Variants in BCLAF3 observed in about 807,000 individuals in gnomAD.
BCLAF3 encodes transient octamer binding factor 1.
Under a neutral mutation model 51.2 loss-of-function variants are expected in BCLAF3, and 24 were observed. The observed-to-expected ratio is 0.47, with a 90% CI of 0.34 to 0.66. BCLAF3 has a LOEUF of 0.66. BCLAF3 is among the 30% of genes least tolerant of loss of function. The probability of loss-of-function intolerance (pLI) is 0.01; values close to 1 mark genes in which losing one functional copy is unlikely to be tolerated. For synonymous variants in BCLAF3, 152 were observed against 176.6 expected (o/e 0.86, Z 1.10); for missense variants, 465 against 525.1 (o/e 0.89, Z 1.12).
intron 3 of BCLAF3, 120 bp from the exon 4 acceptor site, chrX:19,965,826 C>T: frequency 2.7e-6 from 2 of 749,342 alleles, no homozygotes; most frequent in South Asian, 7.1e-5. Flanking sequence ...TAATCTATAA[C>T]CCTTTAAGCC....
intron 2 of BCLAF3, among the ~76,000 whole-genome samples, chrX:19,967,022 T>C (rs1450263975): frequency 9.0e-6 from 1 of 111,372 alleles, no homozygotes; most frequent in African/African-American, 3.3e-5. Context: ...AACAAAAGCT[T>C]ACATCCAGTT....
intron 1 of BCLAF3, among the ~76,000 whole-genome samples, chrX:19,970,710 A>G (rs927622878): frequency 1.8e-5 from 2 of 112,158 alleles, no homozygotes; most frequent in African/African-American, 6.5e-5. Flanking sequence ...TATTAACTAC[A>G]TGTTGAAATA....
At chrX:19,983,134 T>A (rs1023960607) in intron 1 of BCLAF3, among the ~76,000 whole-genome samples, 1 of 105,172 alleles carries the variant, frequency 9.5e-6, no homozygotes, top group African/African-American at 3.4e-5. Context: ...TTTTTTGTAT[T>A]TTTAGTGGAG....
chrX:19,925,216 C>T (rs186522332), intron 11 of BCLAF3, among the ~76,000 whole-genome samples: 2 of 110,696 alleles, frequency 1.8e-5, no homozygotes, highest in African/African-American at 3.3e-5. Flanking sequence ...TCCCCACCAC[C>T]GCCACCACTC....
chrX:19,917,680 C>G (rs139760279), intron 11 of BCLAF3, among the ~76,000 whole-genome samples: 1,356 of 111,891 alleles, frequency 0.012, 23 homozygotes, highest in African/African-American at 0.042. Flanking sequence ...AAGTACGGAG[C>G]CTGACACTAC....
At chrX:19,989,458 T>C (rs2072888108) in intron 1 of BCLAF3, among the ~76,000 whole-genome samples, 1 of 112,052 alleles carries the variant, frequency 8.9e-6, no homozygotes, top group Non-Finnish European at 1.9e-5. Flanking sequence ...ATCGTGCCAC[T>C]ACACTCCAGC....
chrX:19,939,307 G>C (rs2070904297), intron 8 of BCLAF3, among the ~76,000 whole-genome samples: 1 of 111,890 alleles, frequency 8.9e-6, no homozygotes, highest in Non-Finnish European at 1.9e-5. Context: ...ATTACCATTA[G>C]TGTGTATGAC....
intron 7 of BCLAF3, among the ~76,000 whole-genome samples, chrX:19,952,735 C>T (rs1359225982): frequency 9.0e-6 from 1 of 111,671 alleles, no homozygotes; most frequent in Non-Finnish European, 1.9e-5. Context: ...GCTGTAATTG[C>T]GTGTCAATTT....
chrX:19,941,025 T>C, intron 8 of BCLAF3, among the ~76,000 whole-genome samples: 1 of 110,890 alleles, frequency 9.0e-6, no homozygotes, highest in East Asian at 2.8e-4. Context: ...TGGCCAGTGA[T>C]GATGAGCATT....
rs759962285 is a variant in BCLAF3 at position 19,935,843 on chromosome X, CCCT to C, written c.1913_1915del (p.Glu638del). On this transcript the variant is annotated inframe_deletion, in exon 10 of 12. Coordinates refer to ENST00000379682, the MANE Select transcript of BCLAF3 (RefSeq NM_001367774.2). Reference sequence around the variant, plus strand: ...TCTTACTCTTGTGTTTCGGTGGTTTCCCTCAACCTCAAATGGTTTGTGAGTAAT... The same window carrying C: ...TCTTACTCTTGTGTTTCGGTGGTTTCCAACCTCAAATGGTTTGTGAGTAAT... 5 of 1,208,729 alleles carry C rather than the reference CCCT, an allele frequency of 4.1e-6. No homozygotes were observed. The highest frequency in any genetic ancestry group is 5.6e-6 in the Non-Finnish European group (5 of 894,236).
chrX:19,933,951 T>G (rs867307760), intron 10 of BCLAF3, among the ~76,000 whole-genome samples: 41 of 110,602 alleles, frequency 3.7e-4, no homozygotes, highest in Non-Finnish European at 5.5e-4. Context: ...AATTTTTGTA[T>G]TTTTTGTAGA....
At chrX:19,957,917 G>A (rs1352367900) in intron 4 of BCLAF3, among the ~76,000 whole-genome samples, 1 of 111,760 alleles carries the variant, frequency 8.9e-6, no homozygotes. Context: ...ATTTGTAAAT[G>A]TAATCATCTT....
chrX:19,951,166 TA>T (rs376025278), intron 7 of BCLAF3, among the ~76,000 whole-genome samples: 91 of 100,962 alleles, frequency 9.0e-4, no homozygotes, highest in African/African-American at 1.4e-3. Context: ...AACTTAAATG[TA>T]AAAAAAAAAA....
At position 19,940,248 on chromosome X, in the gene BCLAF3, G is replaced by T. The variant is rs578156978; in HGVS notation, c.1746-2716C>A. Among the ~76,000 whole-genome samples the T allele has an allele frequency of 1.2e-3, 133 of 106,476 alleles. 1 individual carries two copies. The South Asian group carries it at 0.05, about 40-fold the overall frequency. 92.5% of individuals were successfully genotyped at this position (106,476 alleles called of 115,157 possible). On this transcript the variant is annotated intron_variant, in intron 8 of 11. Coordinates refer to ENST00000379682, the MANE Select transcript of BCLAF3 (RefSeq NM_001367774.2). ...CCAAGTTATCATGTGTAAATTTCAA[G>T]AAGTCTTTATTTTTTATTTATTTAT...
chrX:19,941,083 C>T (rs2071019501), intron 8 of BCLAF3, among the ~76,000 whole-genome samples: 1 of 110,342 alleles, frequency 9.1e-6, no homozygotes, highest in Admixed American at 9.5e-5. Context: ...TGAGAAGTGT[C>T]TATTCATGTC....
intron 9 of BCLAF3, 27 bp downstream of exon 9, chrX:19,937,391 A>T (rs1175344716): frequency 1.2e-6 from 1 of 833,649 alleles, no homozygotes; most frequent in Non-Finnish European, 1.8e-6. Flanking sequence ...AATTATAAAA[A>T]TGCAAATTTT....
At chrX:19,930,866 T>A (rs1412552636) in intron 10 of BCLAF3, among the ~76,000 whole-genome samples, 1 of 111,338 alleles carries the variant, frequency 9.0e-6, no homozygotes. Flanking sequence ...AGAAAAGAAT[T>A]TGAAATTAAT....
chrX:19,970,135 C>T, intron 2 of BCLAF3, 89 bp downstream of exon 2: 1 of 739,035 alleles, frequency 1.4e-6, no homozygotes, highest in Non-Finnish European at 2.1e-6. Flanking sequence ...ATAACCAGGT[C>T]CCATGAGCTT....
chrX:19,976,352 T>A (rs1449658844), intron 1 of BCLAF3, among the ~76,000 whole-genome samples: 1 of 112,319 alleles, frequency 8.9e-6, no homozygotes, highest in East Asian at 2.8e-4. Flanking sequence ...AATTTTAAAG[T>A]CTGATGGCAC....
Sources: gnomAD v4.1 joint callset for allele counts (sites outside exome capture counted in the v4.1 genomes callset) on GRCh38, gnomAD v4.1.1 for gene constraint, MANE v1.5 for transcripts, NCBI Gene and HGNC (gene_info 2026-07-23, HGNC 2026-07-21) for gene names.